The following PROS1 variants were observed in gnomAD, a reference collection of about 807,000 sequenced individuals.
PROS1 encodes protein S, also known as vitamin K-dependent protein S.
PROS1 carries 29 observed loss-of-function variants against 75.9 expected under a neutral mutation model. The observed-to-expected ratio is 0.38, with a 90% confidence interval of 0.28 to 0.52. The LOEUF (loss-of-function observed/expected upper bound fraction) is 0.52. Among genes scored for constraint, PROS1 ranks in the 20% least tolerant of loss-of-function variants. The probability of loss-of-function intolerance (pLI) is 0.83; values close to 1 mark genes in which losing one functional copy is unlikely to be tolerated. For missense variants in PROS1, 680 were observed against 810.3 expected (o/e 0.84, Z 1.95); for synonymous variants, 245 against 280.6 (o/e 0.87, Z 1.27).
At chr3:93,902,414 T>C (rs559147601) in intron 6 of PROS1, among the ~76,000 whole-genome samples, 15 of 152,298 alleles carry the variant, frequency 9.8e-5, no homozygotes, top group African/African-American at 3.6e-4. Flanking sequence ...TTACAGTACA[T>C]TGGTTTTATG....
Position 93,900,800 on chromosome 3 carries a change from C to T in PROS1, c.727+4G>A, listed in dbSNP as rs1233708962. 18 of 1,612,444 alleles carry T rather than the reference C, an allele frequency of 1.1e-5. No individual in the cohort carries two copies. Among genetic ancestry groups the T allele is most frequent in the Admixed American group, 1.7e-5 (1 of 60,026 alleles). ...CATCAGTAATGATACCACCATCATC[C>T]TACCTTCACAAGACTTTGATTTGAG... On this transcript the variant is annotated splice_donor_region_variant and intron_variant, in intron 7 of 14. Coordinates refer to ENST00000394236, the MANE Select transcript of PROS1 (RefSeq NM_000313.4).
At chr3:93,897,683 G>A (rs1014994243) in intron 8 of PROS1, among the ~76,000 whole-genome samples, 1 of 151,958 alleles carries the variant, frequency 6.6e-6, no homozygotes, top group Non-Finnish European at 1.5e-5. Context: ...AGGTATGTAT[G>A]TATACTTAGT....
At chr3:93,955,591 G>A (rs1390552391) in intron 1 of PROS1, among the ~76,000 whole-genome samples, 1 of 151,940 alleles carries the variant, frequency 6.6e-6, no homozygotes, top group Non-Finnish European at 1.5e-5. Context: ...TGGGGGGAGG[G>A]GGGATGGATA....
chr3:93,901,564 GA>G (rs1200443536), intron 6 of PROS1, among the ~76,000 whole-genome samples: 1 of 152,160 alleles, frequency 6.6e-6, no homozygotes, highest in East Asian at 1.9e-4. Flanking sequence ...ACATGTGACA[GA>G]AATAGTTCAA....
intron 4 of PROS1, among the ~76,000 whole-genome samples, chr3:93,907,874 A>G (rs1202749059): frequency 6.6e-6 from 1 of 152,222 alleles, no homozygotes; most frequent in Non-Finnish European, 1.5e-5. Flanking sequence ...CATTAAGAGA[A>G]AAAGAGGCTA....
intron 1 of PROS1, among the ~76,000 whole-genome samples, chr3:93,959,218 G>A (rs1394305299): frequency 6.6e-6 from 1 of 152,182 alleles, no homozygotes; most frequent in Non-Finnish European, 1.5e-5. Flanking sequence ...AGGAGCTGAG[G>A]CAGGAGGATT....
chr3:93,966,621 G>A (rs543360528), intron 1 of PROS1, among the ~76,000 whole-genome samples: 2 of 152,244 alleles, frequency 1.3e-5, no homozygotes, highest in Admixed American at 1.3e-4. Context: ...CACCACACCT[G>A]TAATCCCAGC....
intron 1 of PROS1, among the ~76,000 whole-genome samples, chr3:93,965,597 C>CCTTGGAAGCTGCCTGCCACCAT (rs1709776768): frequency 6.6e-6 from 1 of 152,198 alleles, no homozygotes; most frequent in African/African-American, 2.4e-5. Flanking sequence ...CTTGCCACCA[C>CCTTGGAAGCTGCCTGCCACCAT]CTTGGAAGCT....
intron 6 of PROS1, among the ~76,000 whole-genome samples, chr3:93,904,700 A>G (rs2107169080): frequency 6.6e-6 from 1 of 152,266 alleles, no homozygotes; most frequent in East Asian, 1.9e-4. Context: ...CTAAAGGCAA[A>G]TTTTAAGTCC....
At chr3:93,902,899 TTG>T (rs1270269965) in intron 6 of PROS1, among the ~76,000 whole-genome samples, 1 of 152,122 alleles carries the variant, frequency 6.6e-6, no homozygotes, top group African/African-American at 2.4e-5. Flanking sequence ...GTTTGTTTGT[TTG>T]TTTGTTTGTT....
chr3:93,877,215 A>G (rs753253940), intron 13 of PROS1, 24 bp from the exon 14 acceptor site: 2 of 1,544,536 alleles, frequency 1.3e-6, no homozygotes, highest in Admixed American at 3.4e-5. Flanking sequence ...CAAAGATTCA[A>G]TATAAGCAAG....
rs756759376 is a variant in PROS1 at position 93,893,011 on chromosome 3, A to T, written c.1077T>A (p.Ile359=). The change falls in exon 10 of 15, where the codon ATT becomes ATA. Residue 359 remains isoleucine (I), a synonymous_variant. Transcript: ENST00000394236. The part of the protein sequence containing the change: ...WLLIALRGGK[I]EVQLKNEHTS... ...TATGTTCATTCTTAAGCTGAACTTC[A>T]ATCTTTCCACCACGAAGTGCAATCA... 1.9e-6 allele frequency: 3 copies of T among 1,613,754 alleles called. No individual in the cohort carries two copies. The Admixed American group carries it at 5.0e-5, about 27-fold the overall frequency.
intron 1 of PROS1, 94 bp from the exon 2 acceptor site, chr3:93,927,501 T>C: frequency 7.6e-7 from 1 of 1,311,504 alleles, no homozygotes; most frequent in Non-Finnish European, 1.0e-6. Flanking sequence ...ATTTTCTGCC[T>C]ATGAATTGTA....
chr3:93,952,198 G>A lies in PROS1; in HGVS notation c.76+21476C>T, dbSNP rs1428503136. Among the ~76,000 whole-genome samples, 54 of 152,112 alleles carry A rather than the reference G, an allele frequency of 3.6e-4. 1 individual carries two copies. The highest frequency in any genetic ancestry group is 2.9e-3 in the Admixed American group (44 of 15,268). On this transcript the variant is annotated intron_variant, in intron 1 of 14. Coordinates refer to ENST00000394236, the MANE Select transcript of PROS1 (RefSeq NM_000313.4). ...ACAAAAAGTTAACAAGGATATCCAG[G>A]AATTGAACTCAGCTCTGCACCAAGA...
intron 12 of PROS1, among the ~76,000 whole-genome samples, chr3:93,882,517 C>G (rs545877579): frequency 1.3e-5 from 2 of 152,270 alleles, no homozygotes; most frequent in South Asian, 2.1e-4. Flanking sequence ...ACAAACTAAC[C>G]AGAAACCTAA....
intron 1 of PROS1, among the ~76,000 whole-genome samples, chr3:93,946,016 C>T (rs1227941689): frequency 6.6e-6 from 1 of 152,120 alleles, no homozygotes; most frequent in East Asian, 1.9e-4. Context: ...ATACCAATAA[C>T]AGACAGAGAG....
intron 10 of PROS1, among the ~76,000 whole-genome samples, chr3:93,889,917 A>G (rs1379037582): frequency 6.6e-6 from 1 of 152,170 alleles, no homozygotes; most frequent in Non-Finnish European, 1.5e-5. Flanking sequence ...GAAGACAACC[A>G]TAAGGTCTGA....
At chr3:93,925,182 C>T (rs1250226240) in intron 2 of PROS1, among the ~76,000 whole-genome samples, 2 of 152,104 alleles carry the variant, frequency 1.3e-5, no homozygotes, top group Non-Finnish European at 2.9e-5. Context: ...ATTCTTAAGC[C>T]ATAATATATC....
chr3:93,930,150 C>G (rs755270822), intron 1 of PROS1, among the ~76,000 whole-genome samples: 4 of 152,080 alleles, frequency 2.6e-5, no homozygotes, highest in Non-Finnish European at 5.9e-5. Flanking sequence ...ATTTGTAACC[C>G]TATCTCTTGA....
Sources: allele counts gnomAD v4.1 joint callset (sites outside exome capture counted in the v4.1 genomes callset), GRCh38; gene constraint gnomAD v4.1.1; transcripts MANE v1.5; gene names NCBI Gene and HGNC (gene_info 2026-07-23, HGNC 2026-07-21).